Variants in TTC28 observed in about 807,000 individuals in gnomAD.
TTC28 encodes tetratricopeptide repeat protein 28.
In TTC28, 61 loss-of-function variants were observed where a neutral mutation model predicts 198.0. The ratio of observed to expected loss-of-function variants is 0.31; its 90% CI spans 0.25 to 0.38. The LOEUF (loss-of-function observed/expected upper bound fraction) is 0.38. Ranked by LOEUF, TTC28 falls within the 10% of genes least tolerant of loss-of-function variation. The pLI is 1.00. For synonymous variants in TTC28, 1,171 were observed against 1,297.8 expected (o/e 0.90, Z 2.10); for missense variants, 2,678 against 3,164.0 (o/e 0.85, Z 3.69).
At chr22:28,587,318 G>A (rs1019111015) in intron 2 of TTC28, among the ~76,000 whole-genome samples, 3 of 152,096 alleles carry the variant, frequency 2.0e-5, no homozygotes, top group Non-Finnish European at 2.9e-5. Flanking sequence ...TGCAGTGAGC[G>A]GAAATCGTGC....
chr22:28,404,642 A>G (rs972944138), intron 2 of TTC28, among the ~76,000 whole-genome samples: 2 of 151,542 alleles, frequency 1.3e-5, no homozygotes, highest in African/African-American at 4.9e-5. Context: ...TTTTCCACTC[A>G]CCCCTGATTT....
chr22:28,478,375 G>A (rs769309846), intron 2 of TTC28, among the ~76,000 whole-genome samples: 7 of 152,038 alleles, frequency 4.6e-5, no homozygotes, highest in Non-Finnish European at 8.8e-5. Context: ...CAGGCATGGT[G>A]GCATGTGCCT....
chr22:28,437,328 G>A (rs1416062412), intron 2 of TTC28, among the ~76,000 whole-genome samples: 1 of 151,966 alleles, frequency 6.6e-6, no homozygotes, highest in East Asian at 1.9e-4. Context: ...AGTGATCCAC[G>A]CGCCTCAGCC....
chr22:28,340,473 A>G (rs922952102), intron 2 of TTC28, among the ~76,000 whole-genome samples: 4 of 151,920 alleles, frequency 2.6e-5, no homozygotes, highest in African/African-American at 4.8e-5. Flanking sequence ...TAAAAAAAAA[A>G]AAAAGAAAAG....
intron 13 of TTC28, among the ~76,000 whole-genome samples, chr22:28,028,191 G>A (rs1426650010): frequency 1.3e-5 from 2 of 152,244 alleles, no homozygotes; most frequent in East Asian, 1.9e-4. Flanking sequence ...TTCTGAGGGT[G>A]GGACTGGATT....
intron 2 of TTC28, among the ~76,000 whole-genome samples, chr22:28,529,649 C>T (rs2049088495): frequency 1.3e-5 from 2 of 152,184 alleles, no homozygotes; most frequent in Non-Finnish European, 2.9e-5. Context: ...TGGGAGACAC[C>T]TCCCAGTAGG....
chr22:28,530,278 G>C (rs574361451), intron 2 of TTC28, among the ~76,000 whole-genome samples: 2 of 152,172 alleles, frequency 1.3e-5, no homozygotes, highest in Non-Finnish European at 2.9e-5. Context: ...AGCTTCAGCA[G>C]CCGATTCGAT....
chr22:28,250,912 T>C (rs1048163409), intron 5 of TTC28, among the ~76,000 whole-genome samples: 1 of 152,202 alleles, frequency 6.6e-6, no homozygotes, highest in Non-Finnish European at 1.5e-5. Context: ...CACAACCTGA[T>C]GGCAAGGAAG....
At chr22:28,484,166 C>A (rs1215558696) in intron 2 of TTC28, among the ~76,000 whole-genome samples, 1 of 152,002 alleles carries the variant, frequency 6.6e-6, no homozygotes, top group Non-Finnish European at 1.5e-5. Flanking sequence ...TCTCTGCCAC[C>A]CAGGCTGAAT....
intron 1 of TTC28, among the ~76,000 whole-genome samples, chr22:28,672,885 A>AT (rs1418866244): frequency 6.6e-6 from 1 of 152,394 alleles, no homozygotes; most frequent in East Asian, 1.9e-4. Flanking sequence ...CGTGAAGAAC[A>AT]TACCTTATTT....
At chr22:28,169,150 G>A (rs904723236) in intron 5 of TTC28, among the ~76,000 whole-genome samples, 13 of 152,216 alleles carry the variant, frequency 8.5e-5, no homozygotes, top group South Asian at 2.1e-4. Context: ...TTAGAATGGC[G>A]ATCATTAAAA....
At chr22:28,506,656 C>T (rs543380859) in intron 2 of TTC28, among the ~76,000 whole-genome samples, 3 of 152,116 alleles carry the variant, frequency 2.0e-5, no homozygotes, top group South Asian at 2.1e-4. Flanking sequence ...CAGGCATGTT[C>T]GGGCCAGCAA....
At chr22:28,626,516 A>T (rs2051078887) in intron 2 of TTC28, among the ~76,000 whole-genome samples, 1 of 152,108 alleles carries the variant, frequency 6.6e-6, no homozygotes, top group South Asian at 2.1e-4. Context: ...AATTGACAAA[A>T]TTTCACCAGA....
chr22:28,181,895 A>C (rs1381578461), intron 5 of TTC28, among the ~76,000 whole-genome samples: 10 of 152,190 alleles, frequency 6.6e-5, no homozygotes, highest in Admixed American at 1.3e-4. Context: ...AACAAACAAA[A>C]AAAACTAGAA....
At chr22:28,032,533 T>C (rs929289432) in intron 12 of TTC28, among the ~76,000 whole-genome samples, 3 of 151,998 alleles carry the variant, frequency 2.0e-5, no homozygotes, top group African/African-American at 7.3e-5. Context: ...TGACCTATGC[T>C]GGAGAGAATT....
intron 2 of TTC28, among the ~76,000 whole-genome samples, chr22:28,564,873 T>C (rs1360788142): frequency 6.8e-6 from 1 of 147,674 alleles, no homozygotes; most frequent in Non-Finnish European, 1.5e-5. Flanking sequence ...ATATATAAAT[T>C]TATAATTTAT....
intron 1 of TTC28, among the ~76,000 whole-genome samples, chr22:28,651,397 G>A (rs904334388): frequency 3.3e-5 from 5 of 151,642 alleles, no homozygotes; most frequent in African/African-American, 4.8e-5. Flanking sequence ...AACCTCCCAG[G>A]ATCAGGTGAT....
intron 1 of TTC28, among the ~76,000 whole-genome samples, chr22:28,678,757 A>T (rs2145724063): frequency 6.6e-6 from 1 of 152,330 alleles, no homozygotes; most frequent in Non-Finnish European, 1.5e-5. Context: ...ACAGTGTGTC[A>T]GGCACCATGC....
At chr22:28,330,686 T>C (rs1326845280) in intron 2 of TTC28, among the ~76,000 whole-genome samples, 1 of 152,166 alleles carries the variant, frequency 6.6e-6, no homozygotes, top group Non-Finnish European at 1.5e-5. Flanking sequence ...CAATTTCACC[T>C]TACATCAAGA....
Sources: gnomAD v4.1 joint callset for allele counts (sites outside exome capture counted in the v4.1 genomes callset) on GRCh38, gnomAD v4.1.1 for gene constraint, MANE v1.5 for transcripts, NCBI Gene and HGNC (gene_info 2026-07-23, HGNC 2026-07-21) for gene names.